The following SBF2 variants were observed in gnomAD, a reference collection of about 807,000 sequenced individuals.
SBF2 encodes the protein myotubularin-related protein 13.
A neutral mutation model predicts 225.2 loss-of-function variants in SBF2; 112 were observed. That is an observed-to-expected ratio of 0.50 (90% CI 0.43 to 0.58). SBF2 has a LOEUF of 0.58. SBF2 is among the 20% of genes least tolerant of loss of function. SBF2 has a pLI of 0.00. For synonymous variants in SBF2, 763 were observed against 773.3 expected, an observed-to-expected ratio of 0.99 and a Z score of 0.22; for missense variants, 1,996 against 2,206.2, an observed-to-expected ratio of 0.90 and a Z score of 1.91.
At position 9,964,628 on chromosome 11, in the gene SBF2, A is replaced by G. The variant is rs1590625220; in HGVS notation, c.1601-746T>C. On this transcript the variant is annotated intron_variant, in intron 14 of 39. Coordinates refer to ENST00000256190, the MANE Select transcript of SBF2 (RefSeq NM_030962.4). ...CAAACAAAGAGAAACGATCATGATCAATGAACTGTTACACTGGCTTAGGAA... is the reference window on the plus strand; with the variant it reads ...CAAACAAAGAGAAACGATCATGATCGATGAACTGTTACACTGGCTTAGGAA... 2.0e-5 allele frequency among the ~76,000 whole-genome samples: 3 copies of G among 152,334 alleles called. No homozygotes were observed. In the East Asian group the frequency reaches 5.8e-4, roughly 29 times the overall value.
intron 17 of SBF2, among the ~76,000 whole-genome samples, chr11:9,870,982 A>G (rs1858683953): frequency 6.6e-6 from 1 of 151,946 alleles, no homozygotes; most frequent in African/African-American, 2.4e-5. Context: ...GAAAAAAAAA[A>G]AAAAAAAGTA....
chr11:10,263,979 A>T (rs1406530091), intron 1 of SBF2, among the ~76,000 whole-genome samples: 1 of 152,234 alleles, frequency 6.6e-6, no homozygotes, highest in Non-Finnish European at 1.5e-5. Context: ...AGTTAATATT[A>T]AAAAATAAGA....
At chr11:9,984,080 A>C (rs909989331) in intron 13 of SBF2, among the ~76,000 whole-genome samples, 1 of 152,174 alleles carries the variant, frequency 6.6e-6, no homozygotes, top group African/African-American at 2.4e-5. Flanking sequence ...CCAAGAAGAA[A>C]TCTCTGATTA....
chr11:9,849,895 C>G, intron 22 of SBF2, 128 bp downstream of exon 22: 1 of 893,516 alleles, frequency 1.1e-6, no homozygotes, highest in Admixed American at 1.7e-5. Flanking sequence ...AAGTATTTCA[C>G]CAAAATACCT....
chr11:10,001,772 C>T (rs557340594), intron 7 of SBF2, among the ~76,000 whole-genome samples: 4 of 152,102 alleles, frequency 2.6e-5, no homozygotes, highest in East Asian at 3.9e-4. Flanking sequence ...GTGATCCACC[C>T]GCCTCGGCCT....
chr11:9,785,162 G>C lies in SBF2; in HGVS notation c.5194C>G (p.Leu1732Val). 1 of 1,613,646 alleles carries C rather than the reference G, an allele frequency of 6.2e-7. No individual in the cohort carries two copies. The highest frequency in any genetic ancestry group is 8.5e-7 in the Non-Finnish European group (1 of 1,180,038). The part of the protein sequence containing the change: ...SNGVERRAAT[L>V]YSQYTSKNDE... ...TTCTTGGATGTATACTGGCTATAGAGCGTGGCTGCTCTTCGCTCCACTCCA... is the reference window on the plus strand; with the variant it reads ...TTCTTGGATGTATACTGGCTATAGACCGTGGCTGCTCTTCGCTCCACTCCA... The change falls in exon 37 of 40, where the codon CTC becomes GTC. Residue 1732 changes from leucine (L) to valine (V), a missense_variant. Transcript: ENST00000256190.
rs886048784 is a variant in SBF2, at chr11:9,963,886, G to C, written c.1601-4C>G. 3 of 1,492,378 alleles carry C rather than the reference G, an allele frequency of 2.0e-6. No individual in the cohort carries two copies. The highest frequency in any genetic ancestry group is 2.8e-6 in the Non-Finnish European group (3 of 1,070,910). The allele number at this position is 1,492,378 out of a possible 1,614,324, so 92.4% of individuals were successfully genotyped here. On this transcript the variant is annotated splice_polypyrimidine_tract_variant and splice_region_variant and intron_variant, in intron 14 of 39. Transcript: ENST00000256190. ...GTCACCTTGTCCATTATCGAAACTAGTAAAAGAATATAAAGAAAGCACAAA... is the reference window on the plus strand; with the variant it reads ...GTCACCTTGTCCATTATCGAAACTACTAAAAGAATATAAAGAAAGCACAAA...
chr11:9,908,963 C>A (rs1198959054), intron 16 of SBF2, among the ~76,000 whole-genome samples: 1 of 151,592 alleles, frequency 6.6e-6, no homozygotes, highest in Non-Finnish European at 1.5e-5. Flanking sequence ...GCTGGGATTA[C>A]AGATGTGAGC....
chr11:9,898,441 C>T (rs908217880), intron 16 of SBF2, among the ~76,000 whole-genome samples: 2 of 152,118 alleles, frequency 1.3e-5, no homozygotes, highest in Non-Finnish European at 2.9e-5. Context: ...GAGGCAGAGG[C>T]GGGTGGATCA....
intron 13 of SBF2, among the ~76,000 whole-genome samples, chr11:9,986,410 A>C (rs1442764681): frequency 1.3e-5 from 2 of 152,200 alleles, no homozygotes; most frequent in African/African-American, 2.4e-5. Context: ...TAAACCCAGC[A>C]GAAGAAAGGA....
Position 10,247,474 on chromosome 11 carries a change from A to G in SBF2, c.55+46541T>C, listed in dbSNP as rs1959916332. ...GGTGGGAAGATCACTTGAGGTCAGG[A>G]GTTCGAGACCAGCCTGGCCAACATG... On this transcript the variant is annotated intron_variant, in intron 1 of 39. Coordinates refer to ENST00000256190, the MANE Select transcript of SBF2 (RefSeq NM_030962.4). Among the ~76,000 whole-genome samples, 5 of 150,832 alleles carry G rather than the reference A, an allele frequency of 3.3e-5. No individual in the cohort carries two copies. The Admixed American group carries it at 3.3e-4, about 10-fold the overall frequency.
intron 2 of SBF2, among the ~76,000 whole-genome samples, chr11:10,070,545 T>A (rs1950823645): frequency 6.6e-6 from 1 of 152,260 alleles, no homozygotes; most frequent in Non-Finnish European, 1.5e-5. Context: ...AGCACCATGC[T>A]GTTTTGGTTA....
chr11:10,197,178 C>T (rs1957406201), intron 1 of SBF2, among the ~76,000 whole-genome samples: 1 of 151,984 alleles, frequency 6.6e-6, no homozygotes, highest in Non-Finnish European at 1.5e-5. Flanking sequence ...GTGTGTATCC[C>T]TTATAAGAAA....
intron 2 of SBF2, among the ~76,000 whole-genome samples, chr11:10,063,956 C>T (rs919241597): frequency 1.3e-5 from 2 of 151,108 alleles, no homozygotes; most frequent in Non-Finnish European, 1.5e-5. Flanking sequence ...ATTAAGGCGT[C>T]GGGGGGAGCA....
At chr11:9,780,641 T>C in intron 39 of SBF2, 125 bp from the exon 40 acceptor site, 2 of 781,516 alleles carry the variant, frequency 2.6e-6, no homozygotes. Flanking sequence ...TGTATGAATT[T>C]TTCTTCCTCA....
chr11:10,066,903 A>T (rs559602426), intron 2 of SBF2, among the ~76,000 whole-genome samples: 1 of 152,380 alleles, frequency 6.6e-6, no homozygotes, highest in African/African-American at 2.4e-5. Flanking sequence ...TGATCAATAT[A>T]TAAAAATCAA....
intron 1 of SBF2, among the ~76,000 whole-genome samples, chr11:10,207,378 A>G (rs72861780): frequency 0.054 from 8,190 of 152,198 alleles, 334 homozygotes; most frequent in Middle Eastern, 0.14. Context: ...AAGAAGCAAT[A>G]CCGGAGCATC....
chr11:10,169,069 C>T (rs1291910204), intron 2 of SBF2, among the ~76,000 whole-genome samples: 1 of 151,956 alleles, frequency 6.6e-6, no homozygotes, highest in Non-Finnish European at 1.5e-5. Flanking sequence ...TTTATGGGTA[C>T]ACAGGTATAT....
chr11:10,214,023 A>G (rs772449921), intron 1 of SBF2, among the ~76,000 whole-genome samples: 9 of 152,214 alleles, frequency 5.9e-5, no homozygotes, highest in Non-Finnish European at 8.8e-5. Flanking sequence ...CAAATTCCTA[A>G]GTGTTCTAAC....
Sources: allele counts gnomAD v4.1 joint callset (sites outside exome capture counted in the v4.1 genomes callset), GRCh38; gene constraint gnomAD v4.1.1; transcripts MANE v1.5; gene names NCBI Gene and HGNC (gene_info 2026-07-23, HGNC 2026-07-21).